Variants in DLGAP1 observed in about 807,000 individuals in gnomAD.
DLGAP1 encodes the protein disks large-associated protein 1.
In DLGAP1, 11 loss-of-function variants were observed where a neutral mutation model predicts 90.8. That is an observed-to-expected ratio of 0.12 (90% CI 0.08 to 0.20). The LOEUF (loss-of-function observed/expected upper bound fraction) is 0.20, where lower values mean the gene tolerates loss of function less well. Among genes scored for constraint, DLGAP1 ranks in the 10% least tolerant of loss-of-function variants. DLGAP1 has a pLI of 1.00. For missense variants in DLGAP1, 1,050 were observed against 1,333.8 expected, an observed-to-expected ratio of 0.79 and a Z score of 3.31; for synonymous variants, 558 against 540.7, an observed-to-expected ratio of 1.03 and a Z score of -0.44.
chr18:3,940,573 T>C (rs1462612249), intron 3 of DLGAP1, among the ~76,000 whole-genome samples: 2 of 152,054 alleles, frequency 1.3e-5, no homozygotes, highest in Admixed American at 6.6e-5. Flanking sequence ...TTCCCTTCTA[T>C]TGGAAAAAGT....
At chr18:4,157,842 A>C (rs2076782407) in intron 1 of DLGAP1, among the ~76,000 whole-genome samples, 1 of 152,190 alleles carries the variant, frequency 6.6e-6, no homozygotes, top group Non-Finnish European at 1.5e-5. Context: ...TGGCAGCCCC[A>C]AGACGCCATG....
At chr18:4,321,195 A>G (rs1433690785) in intron 1 of DLGAP1, among the ~76,000 whole-genome samples, 1 of 152,206 alleles carries the variant, frequency 6.6e-6, no homozygotes, top group African/African-American at 2.4e-5. Context: ...TTCACTGTAA[A>G]TTTATAAATA....
intron 1 of DLGAP1, among the ~76,000 whole-genome samples, chr18:4,290,704 A>G (rs1327341080): frequency 1.3e-5 from 2 of 152,214 alleles, no homozygotes; most frequent in African/African-American, 4.8e-5. Context: ...TGAGCTGTCA[A>G]TGATTACTCA....
At chr18:4,123,430 G>A (rs77867252) in intron 2 of DLGAP1, among the ~76,000 whole-genome samples, 27,117 of 152,016 alleles carry the variant, frequency 0.18, 2,494 homozygotes, top group Admixed American at 0.24. Context: ...AGGAGAGGGA[G>A]GGAGGAAGAA....
chr18:3,859,127 C>G (rs1027053885), intron 4 of DLGAP1, among the ~76,000 whole-genome samples: 13 of 152,192 alleles, frequency 8.5e-5, no homozygotes, highest in African/African-American at 3.1e-4. Context: ...TACAAGTGCT[C>G]TGATTTCAAA....
chr18:3,762,274 C>T (rs1010036900), intron 5 of DLGAP1, among the ~76,000 whole-genome samples: 8 of 152,126 alleles, frequency 5.3e-5, no homozygotes, highest in African/African-American at 1.9e-4. Flanking sequence ...CTGTTGACAA[C>T]AGTATCAGTT....
intron 4 of DLGAP1, among the ~76,000 whole-genome samples, chr18:3,868,401 C>T (rs1003184718): frequency 1.3e-5 from 2 of 152,116 alleles, no homozygotes; most frequent in East Asian, 3.9e-4. Context: ...AAGGAAAAGT[C>T]CTGTAGAAAG....
intron 7 of DLGAP1, among the ~76,000 whole-genome samples, chr18:3,705,657 T>C (rs1311520002): frequency 6.7e-6 from 1 of 150,286 alleles, no homozygotes; most frequent in Non-Finnish European, 1.5e-5. Flanking sequence ...ATAGTAATTA[T>C]TATTATTATT....
intron 9 of DLGAP1, among the ~76,000 whole-genome samples, chr18:3,541,973 CATA>C (rs976640397): frequency 7.2e-5 from 11 of 152,214 alleles, no homozygotes; most frequent in African/African-American, 2.6e-4. Context: ...GAGTGGCTCT[CATA>C]ATATGTCACC....
chr18:3,970,570 CAAG>C (rs2149003247), intron 3 of DLGAP1, among the ~76,000 whole-genome samples: 2 of 152,180 alleles, frequency 1.3e-5, no homozygotes, highest in Non-Finnish European at 2.9e-5. Context: ...TTGGCCTCAT[CAAG>C]AAGTACATCT....
intron 1 of DLGAP1, among the ~76,000 whole-genome samples, chr18:4,200,051 A>G (rs1193195418): frequency 6.6e-6 from 1 of 152,128 alleles, no homozygotes; most frequent in Non-Finnish European, 1.5e-5. Flanking sequence ...TTGTTATTGT[A>G]TGTATACACA....
intron 1 of DLGAP1, among the ~76,000 whole-genome samples, chr18:4,438,058 T>C (rs919935622): frequency 3.9e-5 from 6 of 152,136 alleles, no homozygotes; most frequent in Admixed American, 2.6e-4. Context: ...AATTTTGTCA[T>C]CAAAAATGGA....
intron 7 of DLGAP1, among the ~76,000 whole-genome samples, chr18:3,586,955 T>C (rs1364061898): frequency 6.6e-6 from 1 of 152,178 alleles, no homozygotes; most frequent in African/African-American, 2.4e-5. Flanking sequence ...CCAGCCAATA[T>C]GTTTGTCTTG....
chr18:3,838,205 T>C (rs1209939560), intron 4 of DLGAP1, among the ~76,000 whole-genome samples: 1 of 152,216 alleles, frequency 6.6e-6, no homozygotes, highest in Non-Finnish European at 1.5e-5. Context: ...GGCTTGATCA[T>C]AAAGTATTTG....
chr18:4,225,991 T>A (rs913874813), intron 1 of DLGAP1, among the ~76,000 whole-genome samples: 2 of 152,070 alleles, frequency 1.3e-5, no homozygotes, highest in Admixed American at 6.6e-5. Context: ...TACAAAATAT[T>A]TAATAATAAA....
rs1472007178 is a variant in DLGAP1 at position 3,604,861 on chromosome 18, TG to T, written c.1592-22614del. On this transcript the variant is annotated intron_variant, in intron 7 of 12. Coordinates refer to ENST00000315677, the MANE Select transcript of DLGAP1 (RefSeq NM_004746.4). ...GTAGAAAATGTCAGCGTACATCCTGTGTAGAAAAAGTAAGTCTTGTTGTGAA... is the reference window on the plus strand; with the variant it reads ...GTAGAAAATGTCAGCGTACATCCTGTTAGAAAAAGTAAGTCTTGTTGTGAA... Among the ~76,000 whole-genome samples, 32 of 152,326 alleles carry T rather than the reference TG, an allele frequency of 2.1e-4. No homozygotes were observed. The South Asian group carries it at 6.0e-3, about 29-fold the overall frequency.
intron 5 of DLGAP1, among the ~76,000 whole-genome samples, chr18:3,767,823 T>C (rs985041024): frequency 6.6e-6 from 1 of 152,166 alleles, no homozygotes; most frequent in South Asian, 2.1e-4. Flanking sequence ...ATATACTTAA[T>C]GGTGAAAGAC....
intron 10 of DLGAP1, among the ~76,000 whole-genome samples, chr18:3,524,278 TA>T (rs900853242): frequency 1.4e-4 from 20 of 145,778 alleles, no homozygotes; most frequent in Middle Eastern, 3.5e-3. Flanking sequence ...TTGTTTCAAT[TA>T]AAAAAAAAAG....
intron 7 of DLGAP1, among the ~76,000 whole-genome samples, chr18:3,586,036 G>A (rs1358647505): frequency 2.0e-5 from 3 of 152,116 alleles, no homozygotes; most frequent in Admixed American, 6.6e-5. Flanking sequence ...GCTCATCTTC[G>A]CTATCGATAG....
Sources: gnomAD v4.1 joint callset for allele counts (sites outside exome capture counted in the v4.1 genomes callset) on GRCh38, gnomAD v4.1.1 for gene constraint, MANE v1.5 for transcripts, NCBI Gene and HGNC (gene_info 2026-07-23, HGNC 2026-07-21) for gene names.